The following SEMA3D variants were observed in gnomAD, a reference collection of about 807,000 sequenced individuals.
The protein encoded by SEMA3D is semaphorin-3D.
SEMA3D carries 84 observed loss-of-function variants against 100.1 expected under a neutral mutation model. That is an observed-to-expected ratio of 0.84 (90% CI 0.70 to 1.01). The LOEUF (loss-of-function observed/expected upper bound fraction) is 1.01. SEMA3D is among the 50% of genes least tolerant of loss of function. The probability of loss-of-function intolerance (pLI) is 0.00; values close to 1 mark genes in which losing one functional copy is unlikely to be tolerated. For missense variants in SEMA3D, 875 were observed against 934.1 expected (o/e 0.94, Z 0.82); for synonymous variants, 312 against 320.7 (o/e 0.97, Z 0.29).
chr7:85,038,402 G>C (rs781426670), intron 11 of SEMA3D, among the ~76,000 whole-genome samples: 13 of 152,124 alleles, frequency 8.5e-5, no homozygotes, highest in Non-Finnish European at 1.6e-4. Context: ...ATATTTTAAA[G>C]GTATGATGCC....
At chr7:85,001,370 T>G (rs1460897304) in intron 18 of SEMA3D, among the ~76,000 whole-genome samples, 1 of 152,206 alleles carries the variant, frequency 6.6e-6, no homozygotes, top group East Asian at 1.9e-4. Context: ...GCCCAGACAT[T>G]TAGAAATGCT....
At chr7:85,222,201 C>T in the SEMA3D span, among the ~76,000 whole-genome samples, 27 of 151,820 alleles carry the variant, frequency 1.8e-4, no homozygotes, top group East Asian at 4.3e-3. Flanking sequence ...TTTCTTTGTA[C>T]GTATGTTTTT....
At position 85,012,821 on chromosome 7, in the gene SEMA3D, A is replaced by G. The variant is rs767894621; in HGVS notation, c.1729T>C (p.Tyr577His). The change falls in exon 17 of 19, where the codon TAT (tyrosine) becomes CAT (histidine). Residue 577 changes from tyrosine (Y) to histidine (H), a missense_variant. Tyr to His is a moderately conservative substitution (Grantham distance 83). Transcript: ENST00000284136. ...KRRARRQDVK[Y>H]GDPITQCWDI... ...CAGCACTGGGTGATTGGGTCGCCAT[A>G]TTTTACATCTTGGCGTCTAGCTCTC... The G allele has an allele frequency of 1.1e-5, 18 of 1,610,654 alleles. No individual in the cohort carries two copies. The highest frequency in any genetic ancestry group is 1.4e-5 in the Non-Finnish European group (16 of 1,177,670).
rs1209351670 is a variant in SEMA3D at position 84,996,273 on chromosome 7, A to T, written c.*3167T>A. 5 of 152,046 alleles carry T rather than the reference A, an allele frequency of 3.3e-5. No homozygotes were observed. Among genetic ancestry groups the T allele is most frequent in the Non-Finnish European group, 7.4e-5 (5 of 67,890 alleles). 9.4% of individuals were successfully genotyped at this position (152,046 alleles called of 1,614,324 possible). ...CTTATTGTTTAGCTGAGTCTGTAAA[A>T]TTCAGCAGGAACAAAACATACTAGA... On this transcript the variant is annotated 3_prime_UTR_variant, in exon 19 of 19. Coordinates refer to ENST00000284136, the MANE Select transcript of SEMA3D (RefSeq NM_001384900.1).
the SEMA3D span, among the ~76,000 whole-genome samples, chr7:85,223,076 T>C: frequency 6.6e-6 from 1 of 151,894 alleles, no homozygotes; most frequent in African/African-American, 2.4e-5. Flanking sequence ...CATCACTAAT[T>C]GTCAGAGAAA....
chr7:85,100,796 C>T (rs1562818446), intron 3 of SEMA3D, among the ~76,000 whole-genome samples: 1 of 151,468 alleles, frequency 6.6e-6, no homozygotes, highest in Non-Finnish European at 1.5e-5. Context: ...CTCTTAGTTT[C>T]TAAGCTGGGT....
chr7:85,129,747 T>C (rs945531705), intron 2 of SEMA3D, among the ~76,000 whole-genome samples: 1 of 152,116 alleles, frequency 6.6e-6, no homozygotes, highest in African/African-American at 2.4e-5. Context: ...TAGGACAATA[T>C]AAGGATTCTT....
intron 2 of SEMA3D, among the ~76,000 whole-genome samples, chr7:85,130,655 T>TA (rs1162433982): frequency 1.3e-5 from 2 of 152,176 alleles, no homozygotes; most frequent in Non-Finnish European, 2.9e-5. Flanking sequence ...ATGTTCGGTT[T>TA]AACTCTGCTA....
At chr7:85,046,455 C>T (rs571077936) in intron 9 of SEMA3D, among the ~76,000 whole-genome samples, 13 of 151,958 alleles carry the variant, frequency 8.6e-5, no homozygotes, top group African/African-American at 2.9e-4. Flanking sequence ...CAACAGCCTT[C>T]TCTAGCCCCT....
chr7:85,226,140 G>A, the SEMA3D span, among the ~76,000 whole-genome samples: 6 of 151,918 alleles, frequency 3.9e-5, no homozygotes, highest in African/African-American at 1.5e-4. Context: ...TAACATTCCA[G>A]GGCTTTCACA....
In SEMA3D at chr7:85,086,632, G is replaced by A. The variant is rs1268292445; in HGVS notation, c.313-5053C>T. ...AGTCTCTTTCTCTCTCTCTCTCTCC[G>A]TGTGTGTGTGTGTGTGTGTGTGTGT... On this transcript the variant is annotated intron_variant, in intron 4 of 18. Coordinates refer to ENST00000284136, the MANE Select transcript of SEMA3D (RefSeq NM_001384900.1). Among the ~76,000 whole-genome samples, 14 of 97,714 alleles carry A rather than the reference G, an allele frequency of 1.4e-4. No individual in the cohort carries two copies. The South Asian group carries it at 2.7e-3, about 19-fold the overall frequency. The allele number at this position is 97,714 out of a possible 152,430, so 64.1% of individuals were successfully genotyped here.
Position 85,146,016 on chromosome 7 carries a change from TA to T in SEMA3D, c.-41+7591del, listed in dbSNP as rs141380425. ...AAGTTTTGCTTTGTGAAACTTCAGATATTTTTTTTCCCAGATATTTTTGATC... is the reference window on the plus strand; with the variant it reads ...AAGTTTTGCTTTGTGAAACTTCAGATTTTTTTTTCCCAGATATTTTTGATC... On this transcript the variant is annotated intron_variant, in intron 2 of 18. Transcript: ENST00000284136. 4.1e-3 allele frequency among the ~76,000 whole-genome samples: 626 copies of T among 152,252 alleles called. 7 individuals carry two copies. Among genetic ancestry groups the T allele is most frequent in the Non-Finnish European group, 4.5e-3 (305 of 68,014 alleles).
intron 12 of SEMA3D, chr7:85,027,992 AAAT>A: frequency 1.7e-6 from 1 of 572,576 alleles, no homozygotes; most frequent in South Asian, 1.5e-5. Context: ...GTGATACTCC[AAAT>A]AATCAAGTTC....
intron 4 of SEMA3D, among the ~76,000 whole-genome samples, chr7:85,092,457 A>G (rs1012639320): frequency 1.1e-4 from 17 of 152,026 alleles, no homozygotes; most frequent in African/African-American, 4.1e-4. Flanking sequence ...AAGTGTAGTC[A>G]CTTATAAAGT....
chr7:85,231,837 CAGTT>C, the SEMA3D span, among the ~76,000 whole-genome samples: 90 of 151,994 alleles, frequency 5.9e-4, no homozygotes, highest in African/African-American at 2.0e-3. Flanking sequence ...TTCTTCAAGT[CAGTT>C]AGAGGCATTC....
At chr7:85,122,573 C>T (rs186489564) in intron 2 of SEMA3D, among the ~76,000 whole-genome samples, 8 of 152,240 alleles carry the variant, frequency 5.3e-5, no homozygotes, top group East Asian at 3.9e-4. Flanking sequence ...GAAGCCTATA[C>T]GTGCCCCATA....
chr7:85,168,826 A>AAAGG, intron 1 of SEMA3D, among the ~76,000 whole-genome samples: 1 of 41,162 alleles, frequency 2.4e-5, no homozygotes, highest in Non-Finnish European at 4.3e-5. Flanking sequence ...AAGATGAAAG[A>AAAGG]AAGAAAGAAA....
At chr7:85,045,735 G>A (rs1380203164) in intron 9 of SEMA3D, among the ~76,000 whole-genome samples, 1 of 151,830 alleles carries the variant, frequency 6.6e-6, no homozygotes, top group Non-Finnish European at 1.5e-5. Context: ...GGATTCCAGT[G>A]AGAAGATGTA....
At chr7:85,240,742 G>C in the SEMA3D span, among the ~76,000 whole-genome samples, 2 of 152,118 alleles carry the variant, frequency 1.3e-5, no homozygotes, top group African/African-American at 4.8e-5. Flanking sequence ...TCAAGGAATT[G>C]ATTCATTTCA....
Sources: allele counts gnomAD v4.1 joint callset (sites outside exome capture counted in the v4.1 genomes callset), GRCh38; gene constraint gnomAD v4.1.1; transcripts MANE v1.5; gene names NCBI Gene and HGNC (gene_info 2026-07-23, HGNC 2026-07-21).